CDC14C: variants seen among roughly 807,000 people sequenced by gnomAD.
CDC14C encodes the protein cell division cycle 14C.
CDC14C carries 19 observed loss-of-function variants against 26.9 expected under a neutral mutation model. That is an observed-to-expected ratio of 0.71 (90% CI 0.49 to 1.04). The LOEUF (loss-of-function observed/expected upper bound fraction) is 1.04. Among genes scored for constraint, CDC14C ranks in the 50% least tolerant of loss-of-function variants. CDC14C has a pLI of 0.00. For missense variants in CDC14C, 423 were observed against 520.0 expected, an observed-to-expected ratio of 0.81 and a Z score of 1.81; for synonymous variants, 185 against 180.1, an observed-to-expected ratio of 1.03 and a Z score of -0.22.
At position 48,925,672 on chromosome 7, in the gene CDC14C, C is replaced by G. The variant is rs377692612; in HGVS notation, c.1000C>G (p.Gln334Glu). The change falls in exon 1 of 1, where the codon CAA (glutamine) becomes GAA (glutamate). Residue 334 changes from glutamine to glutamate, a missense_variant. Gln to Glu is a conservative substitution (Grantham distance 29). Coordinates refer to ENST00000650262, the MANE Select transcript of CDC14C (RefSeq NM_152627.3). ...TCAGCAGCAGTTTTTGGTGATGAAG[C>G]AAACAAGCCTCTGGCTGGAAGGGGA... ...GPQQQFLVMK[Q>E]TSLWLEGDYF... The G allele has an allele frequency of 6.8e-7, 1 of 1,468,816 alleles. No individual in the cohort carries two copies. Among genetic ancestry groups the G allele is most frequent in the East Asian group, 2.3e-5 (1 of 44,126 alleles). 91.0% of individuals were successfully genotyped at this position (1,468,816 alleles called of 1,614,324 possible). A position where few individuals can be genotyped will look rare whatever the true frequency, so the allele number is the denominator to read the frequency against.
At position 48,924,578 on chromosome 7, in the gene CDC14C, C is replaced by A. The variant is rs968129986; in HGVS notation, c.-95C>A. 1 of 783,668 alleles carries A rather than the reference C, an allele frequency of 1.3e-6. No homozygotes were observed. 48.5% of individuals were successfully genotyped at this position (783,668 alleles called of 1,614,324 possible). ...GTTGCTCCCTGACTGGCCGCGGCGGCCTCCAGGAAGCGGAAAAGCAAGGGG... is the reference window on the plus strand; with the variant it reads ...GTTGCTCCCTGACTGGCCGCGGCGGACTCCAGGAAGCGGAAAAGCAAGGGG... On this transcript the variant is annotated 5_prime_UTR_variant, in exon 1 of 1. Coordinates refer to ENST00000650262, the MANE Select transcript of CDC14C (RefSeq NM_152627.3).
rs552949571 is a variant in CDC14C at position 48,924,621 on chromosome 7, C to T, written c.-52C>T. Reference sequence around the variant, plus strand: ...GCAAGGGGCGGTCGAGCTGGGCCGCCGCGCCCCACTGCTCGCCGCGCTGCT... The same window carrying T: ...GCAAGGGGCGGTCGAGCTGGGCCGCTGCGCCCCACTGCTCGCCGCGCTGCT... On this transcript the variant is annotated 5_prime_UTR_variant, in exon 1 of 1. Transcript: ENST00000650262. 15 of 983,060 alleles carry T rather than the reference C, an allele frequency of 1.5e-5. No individual in the cohort carries two copies. The highest frequency in any genetic ancestry group is 1.1e-4 in the Admixed American group (6 of 52,530). The allele number at this position is 983,060 out of a possible 1,614,324, so 60.9% of individuals were successfully genotyped here.
Position 48,925,355 on chromosome 7 carries a change from C to T in CDC14C, c.683C>T (p.Thr228Ile), listed in dbSNP as rs746462071. ...YIQYFKNHNV[T>I]TIIRLNKRMY... ...CAATATTTTAAGAATCACAATGTTACTACCATTATTCGTCTGAATAAAAGG... is the reference window on the plus strand; with the variant it reads ...CAATATTTTAAGAATCACAATGTTATTACCATTATTCGTCTGAATAAAAGG... The change falls in exon 1 of 1, where the codon ACT becomes ATT. Residue 228 changes from threonine to isoleucine, a missense_variant. By Grantham distance (89) the Thr-to-Ile change is moderately conservative (BLOSUM62 -1). This residue lies in a region of CDC14C where 310 missense variants were observed against 356.8 expected (regional missense o/e 0.87). Coordinates refer to ENST00000650262, the MANE Select transcript of CDC14C (RefSeq NM_152627.3). 3.7e-6 allele frequency: 6 copies of T among 1,609,602 alleles called. No individual in the cohort carries two copies. The highest frequency in any genetic ancestry group is 1.7e-5 in the Admixed American group (1 of 60,016).
chr7:48,925,536 T>C lies in CDC14C; in HGVS notation c.864T>C (p.Leu288=), dbSNP rs760696697. 5 of 1,589,916 alleles carry C rather than the reference T, an allele frequency of 3.1e-6. No individual in the cohort carries two copies. The highest frequency in any genetic ancestry group is 4.3e-6 in the Non-Finnish European group (5 of 1,158,276). Residue 288 remains leucine (L), a synonymous_variant, in exon 1 of 1, where the codon CTT becomes CTC. Transcript: ENST00000650262. ...GAIAVHCKAG[L]GRTGTLIACY... ...TTGCAGTACATTGTAAAGCTGGCCT[T>C]GGTCGCACAGGCACTCTGATAGCCT... is the stretch of plus-strand genomic sequence containing the variant.
chr7:48,925,747 G>A lies in CDC14C; in HGVS notation c.1075G>A (p.Ala359Thr), dbSNP rs1229779819. 7 of 1,063,764 alleles carry A rather than the reference G, an allele frequency of 6.6e-6. No individual in the cohort carries two copies. The African/African-American group carries it at 7.7e-5, about 12-fold the overall frequency. The allele number at this position is 1,063,764 out of a possible 1,614,324, so 65.9% of individuals were successfully genotyped here. A position where few individuals can be genotyped will look rare whatever the true frequency, so the allele number is the denominator to read the frequency against. Residue 359 changes from alanine (A) to threonine (T), a missense_variant, in exon 1 of 1, where the codon GCC becomes ACC. By Grantham distance (58) the Ala-to-Thr change is moderately conservative. This residue lies in a region of CDC14C where 91 missense variants were observed against 94.2 expected (regional missense o/e 0.97). Coordinates refer to ENST00000650262, the MANE Select transcript of CDC14C (RefSeq NM_152627.3). ...KGQENGQHRAAFSKLLSGVDD... is the reference protein window; with the variant it reads ...KGQENGQHRATFSKLLSGVDD... ...GCAGGAGAATGGACAACACAGAGCAGCCTTCTCCAAACTTCTCTCTGGTGT... is the reference window on the plus strand; with the variant it reads ...GCAGGAGAATGGACAACACAGAGCAACCTTCTCCAAACTTCTCTCTGGTGT...
At position 48,924,576 on chromosome 7, in the gene CDC14C, G is replaced by T. The variant is rs6945680; in HGVS notation, c.-97G>T. The T allele has an allele frequency of 1.2e-5, 9 of 762,744 alleles. No homozygotes were observed. The highest frequency in any genetic ancestry group is 8.9e-5 in the African/African-American group (5 of 56,330). 47.2% of individuals were successfully genotyped at this position (762,744 alleles called of 1,614,324 possible). A position where few individuals can be genotyped will look rare whatever the true frequency, so the allele number is the denominator to read the frequency against. On this transcript the variant is annotated 5_prime_UTR_variant, in exon 1 of 1. Coordinates refer to ENST00000650262, the MANE Select transcript of CDC14C (RefSeq NM_152627.3). ...TCGTTGCTCCCTGACTGGCCGCGGC[G>T]GCCTCCAGGAAGCGGAAAAGCAAGG...
Position 48,924,550 on chromosome 7 carries a change from G to A in CDC14C, c.-123G>A, listed in dbSNP as rs1468927180. 3 of 641,612 alleles carry A rather than the reference G, an allele frequency of 4.7e-6. No homozygotes were observed. Among genetic ancestry groups the A allele is most frequent in the African/African-American group, 1.9e-5 (1 of 53,842 alleles). The allele number at this position is 641,612 out of a possible 1,614,324, so 39.7% of individuals were successfully genotyped here. A position where few individuals can be genotyped will look rare whatever the true frequency, so the allele number is the denominator to read the frequency against. On this transcript the variant is annotated 5_prime_UTR_variant, in exon 1 of 1. Coordinates refer to ENST00000650262, the MANE Select transcript of CDC14C (RefSeq NM_152627.3). ...CCTTGGCGGCGCGCGCGGGGCCGTG[G>A]TCGTTGCTCCCTGACTGGCCGCGGC...
Position 48,927,164 on chromosome 7 carries a change from G to A in CDC14C, c.*1148G>A, listed in dbSNP as rs531436562. Reference sequence around the variant, plus strand: ...ACTGTAGTAATATTAACTCTGATAAGTACCCAAGCTGCTTGTCTTCTACCA... The same window carrying A: ...ACTGTAGTAATATTAACTCTGATAAATACCCAAGCTGCTTGTCTTCTACCA... On this transcript the variant is annotated 3_prime_UTR_variant, in exon 1 of 1. Coordinates refer to ENST00000650262, the MANE Select transcript of CDC14C (RefSeq NM_152627.3). 3.7e-4 allele frequency among the ~76,000 whole-genome samples: 56 copies of A among 152,264 alleles called. No homozygotes were observed. The highest frequency in any genetic ancestry group is 1.5e-4 in the Non-Finnish European group (10 of 68,020).
rs1207561148 is a variant in CDC14C at position 48,927,161 on chromosome 7, T to G, written c.*1145T>G. ...AATACTGTAGTAATATTAACTCTGATAAGTACCCAAGCTGCTTGTCTTCTA... is the reference window on the plus strand; with the variant it reads ...AATACTGTAGTAATATTAACTCTGAGAAGTACCCAAGCTGCTTGTCTTCTA... On this transcript the variant is annotated 3_prime_UTR_variant, in exon 1 of 1. Transcript: ENST00000650262. 6.6e-6 allele frequency among the ~76,000 whole-genome samples: 1 copy of G among 152,210 alleles called. No homozygotes were observed. Among genetic ancestry groups the G allele is most frequent in the South Asian group, 2.1e-4 (1 of 4,824 alleles).
chr7:48,925,282 G>A lies in CDC14C; in HGVS notation c.610G>A (p.Ala204Thr). ...FIAFCGPHSR[A>T]RLESGYHQHS... ...TGCCTTCTGTGGACCTCATTCAAGA[G>A]CCAGACTTGAAAGTGGTTACCACCA... The change falls in exon 1 of 1, where the codon GCC (alanine) becomes ACC (threonine). Residue 204 changes from alanine to threonine, a missense_variant. By Grantham distance (58) the Ala-to-Thr change is moderately conservative. This residue lies in a region of CDC14C where 310 missense variants were observed against 356.8 expected (regional missense o/e 0.87). Transcript: ENST00000650262. The A allele has an allele frequency of 6.2e-7, 1 of 1,607,004 alleles. No individual in the cohort carries two copies. Among genetic ancestry groups the A allele is most frequent in the East Asian group, 2.2e-5 (1 of 44,846 alleles).
chr7:48,925,375 A>G lies in CDC14C; in HGVS notation c.703A>G (p.Lys235Glu), dbSNP rs1257484752. ...TGTTACTACCATTATTCGTCTGAATAAAAGGATGTATGATGCCAAACGCTT... is the reference window on the plus strand; with the variant it reads ...TGTTACTACCATTATTCGTCTGAATGAAAGGATGTATGATGCCAAACGCTT... ...HNVTTIIRLN[K>E]RMYDAKRFTD... The change falls in exon 1 of 1, where the codon AAA (lysine) becomes GAA (glutamate). Residue 235 changes from lysine (K) to glutamate (E), a missense_variant. By Grantham distance (56) the Lys-to-Glu change is moderately conservative (BLOSUM62 1). Transcript: ENST00000650262. 4 of 1,611,432 alleles carry G rather than the reference A, an allele frequency of 2.5e-6. No homozygotes were observed. The highest frequency in any genetic ancestry group is 2.5e-6 in the Non-Finnish European group (3 of 1,177,536).
Position 48,925,199 on chromosome 7 carries a change from A to T in CDC14C, c.527A>T (p.Glu176Val), listed in dbSNP as rs1403010590. The T allele has an allele frequency of 1.3e-6, 2 of 1,560,340 alleles. No homozygotes were observed. Among genetic ancestry groups the T allele is most frequent in the South Asian group, 2.2e-5 (2 of 89,900 alleles). Residue 176 changes from glutamate to valine, a missense_variant, in exon 1 of 1, where the codon GAA becomes GTA. Transcript: ENST00000650262. ...AACTCATTTAACCTTGATGAATATG[A>T]ACACTATGAAAAAGCAGAAAACGGA... ...NFNSFNLDEY[E>V]HYEKAENGDL...
Position 48,924,898 on chromosome 7 carries a change from A to G in CDC14C, c.226A>G (p.Lys76Glu). ...MVYRYCCKIN[K>E]KLKSITMLRK... Reference sequence around the variant, plus strand: ...TTACAGATATTGTTGCAAGATAAATAAGAAATTAAAGTCCATTACAATGTT... The same window carrying G: ...TTACAGATATTGTTGCAAGATAAATGAGAAATTAAAGTCCATTACAATGTT... The change falls in exon 1 of 1, where the codon AAG (lysine) becomes GAG (glutamate). Residue 76 changes from lysine (K) to glutamate (E), a missense_variant. Around this residue, in one of 3 missense-constraint regions of CDC14C, gnomAD observed 310 missense variants for 356.8 expected, o/e 0.87. Transcript: ENST00000650262. The G allele has an allele frequency of 7.0e-7, 1 of 1,424,194 alleles. No homozygotes were observed. Among genetic ancestry groups the G allele is most frequent in the Non-Finnish European group, 9.9e-7 (1 of 1,006,344 alleles). The allele number at this position is 1,424,194 out of a possible 1,614,324, so 88.2% of individuals were successfully genotyped here.
At position 48,924,559 on chromosome 7, in the gene CDC14C, C is replaced by T. The variant is rs1230421931; in HGVS notation, c.-114C>T. ...CGCGCGCGGGGCCGTGGTCGTTGCT[C>T]CCTGACTGGCCGCGGCGGCCTCCAG... On this transcript the variant is annotated 5_prime_UTR_variant, in exon 1 of 1. Coordinates refer to ENST00000650262, the MANE Select transcript of CDC14C (RefSeq NM_152627.3). 4.8e-5 allele frequency: 33 copies of T among 685,882 alleles called. No individual in the cohort carries two copies. The highest frequency in any genetic ancestry group is 7.0e-5 in the Non-Finnish European group (29 of 414,792). 42.5% of individuals were successfully genotyped at this position (685,882 alleles called of 1,614,324 possible). A position where few individuals can be genotyped will look rare whatever the true frequency, so the allele number is the denominator to read the frequency against.
At position 48,924,735 on chromosome 7, in the gene CDC14C, C is replaced by G. The variant is rs775670267; in HGVS notation, c.63C>G (p.Asp21Glu). The G allele has an allele frequency of 7.3e-7, 1 of 1,378,918 alleles. No individual in the cohort carries two copies. The highest frequency in any genetic ancestry group is 1.7e-5 in the Admixed American group (1 of 59,676). The allele number at this position is 1,378,918 out of a possible 1,614,324, so 85.4% of individuals were successfully genotyped here. Residue 21 changes from aspartate to glutamate, a missense_variant, in exon 1 of 1, where the codon GAC (aspartate) becomes GAG (glutamate). Physicochemically the swap from Asp to Glu is conservative, Grantham distance 45. Around this residue, in one of 3 missense-constraint regions of CDC14C, gnomAD observed 310 missense variants for 356.8 expected, o/e 0.87. Coordinates refer to ENST00000650262, the MANE Select transcript of CDC14C (RefSeq NM_152627.3). ...ACCCCCAGGACGACGTGTACGTGGA[C>G]ATCACCGATCGCCTTCGTTTTGCCA... ...RRDPQDDVYV[D>E]ITDRLRFAIL...
In CDC14C at chr7:48,924,608, C is replaced by G. The variant is rs777755991; in HGVS notation, c.-65C>G. On this transcript the variant is annotated 5_prime_UTR_variant, in exon 1 of 1. Coordinates refer to ENST00000650262, the MANE Select transcript of CDC14C (RefSeq NM_152627.3). ...AGGAAGCGGAAAAGCAAGGGGCGGTCGAGCTGGGCCGCCGCGCCCCACTGC... is the reference window on the plus strand; with the variant it reads ...AGGAAGCGGAAAAGCAAGGGGCGGTGGAGCTGGGCCGCCGCGCCCCACTGC... 7.5e-4 allele frequency: 665 copies of G among 888,548 alleles called. 5 individuals are homozygous for G. The highest frequency in any genetic ancestry group is 2.5e-4 in the Non-Finnish European group (143 of 579,104). The allele number at this position is 888,548 out of a possible 1,614,324, so 55.0% of individuals were successfully genotyped here. A position where few individuals can be genotyped will look rare whatever the true frequency, so the allele number is the denominator to read the frequency against.
In CDC14C at chr7:48,926,821, CAAAG is replaced by C. The variant is rs1798899890; in HGVS notation, c.*810_*813del. ...GGGCTTGCTCCCAAAAAGAATGACT[CAAAG>C]AAAGGCCCAGCTCTCAAGCTGAATG... On this transcript the variant is annotated 3_prime_UTR_variant, in exon 1 of 1. Transcript: ENST00000650262. Among the ~76,000 whole-genome samples the C allele has an allele frequency of 6.6e-6, 1 of 151,848 alleles. No individual in the cohort carries two copies.
chr7:48,927,341 T>A lies in CDC14C; in HGVS notation c.*1325T>A, dbSNP rs1301593844. Among the ~76,000 whole-genome samples, 2 of 152,242 alleles carry A rather than the reference T, an allele frequency of 1.3e-5. No homozygotes were observed. Among genetic ancestry groups the A allele is most frequent in the African/African-American group, 4.8e-5 (2 of 41,466 alleles). On this transcript the variant is annotated 3_prime_UTR_variant, in exon 1 of 1. Coordinates refer to ENST00000650262, the MANE Select transcript of CDC14C (RefSeq NM_152627.3). Reference sequence around the variant, plus strand: ...CAGGAGGAGAAACTGACTTCAGAGCTGGAAGATGTTGCAAGTCATTCCTTT... The same window carrying A: ...CAGGAGGAGAAACTGACTTCAGAGCAGGAAGATGTTGCAAGTCATTCCTTT...
chr7:48,925,754 C>T lies in CDC14C; in HGVS notation c.1082C>T (p.Ser361Phe). 9.7e-7 allele frequency: 1 copy of T among 1,029,152 alleles called. No individual in the cohort carries two copies. The highest frequency in any genetic ancestry group is 1.6e-5 in the African/African-American group (1 of 64,034). The allele number at this position is 1,029,152 out of a possible 1,614,324, so 63.8% of individuals were successfully genotyped here. The change falls in exon 1 of 1, where the codon TCC becomes TTC. Residue 361 changes from serine to phenylalanine, a missense_variant. Physicochemically the swap from Ser to Phe is radical, Grantham distance 155. Transcript: ENST00000650262. ...AATGGACAACACAGAGCAGCCTTCT[C>T]CAAACTTCTCTCTGGTGTTGATGAC... The part of the protein sequence containing the change: ...QENGQHRAAF[S>F]KLLSGVDDIS...
Sources: gnomAD v4.1 joint callset for allele counts (sites outside exome capture counted in the v4.1 genomes callset) on GRCh38, gnomAD v4.1.1 for gene constraint, gnomAD v4.1.1 regional missense constraint, MANE v1.5 for transcripts, NCBI Gene and HGNC (gene_info 2026-07-23, HGNC 2026-07-21) for gene names.